Variants in SYNPR observed in about 807,000 individuals in gnomAD.
SYNPR encodes synaptoporin.
Under a neutral mutation model 32.9 loss-of-function variants are expected in SYNPR, and 23 were observed. The ratio of observed to expected loss-of-function variants is 0.70; its 90% CI spans 0.50 to 0.99. SYNPR has a LOEUF of 0.99. SYNPR is among the 50% of genes least tolerant of loss of function. The pLI, the probability that SYNPR is intolerant of heterozygous loss-of-function variation, is 0.00. For missense variants in SYNPR, 318 were observed against 349.3 expected (o/e 0.91, Z 0.71); for synonymous variants, 146 against 135.9 (o/e 1.07, Z -0.52).
chr3:63,326,761 T>A (rs1381906637), intron 2 of SYNPR, among the ~76,000 whole-genome samples: 1 of 152,150 alleles, frequency 6.6e-6, no homozygotes. Context: ...TGCTGGTAAC[T>A]TTGAAATCTT....
intron 2 of SYNPR, among the ~76,000 whole-genome samples, chr3:63,319,667 GA>G (rs201788490): frequency 4.7e-5 from 7 of 150,458 alleles, no homozygotes; most frequent in African/African-American, 1.7e-4. Context: ...TTCATGCATT[GA>G]AAAAAAAATT....
intron 2 of SYNPR, among the ~76,000 whole-genome samples, chr3:63,464,888 G>A (rs1348144091): frequency 1.3e-5 from 2 of 152,080 alleles, no homozygotes; most frequent in Non-Finnish European, 2.9e-5. Context: ...TTTTAAAAAG[G>A]TGACTCTGTC....
At chr3:63,313,220 T>G (rs1377268620) in intron 2 of SYNPR, among the ~76,000 whole-genome samples, 2 of 151,934 alleles carry the variant, frequency 1.3e-5, no homozygotes, top group Non-Finnish European at 2.9e-5. Context: ...CTGATTTTTT[T>G]TATTATTGTA....
At chr3:63,514,818 T>C (rs565346168) in intron 3 of SYNPR, among the ~76,000 whole-genome samples, 1 of 152,242 alleles carries the variant, frequency 6.6e-6, no homozygotes, top group South Asian at 2.1e-4. Context: ...GCTCTTTTGA[T>C]AGCCTTTGAG....
intron 2 of SYNPR, among the ~76,000 whole-genome samples, chr3:63,412,708 T>C (rs540793912): frequency 3.9e-5 from 6 of 152,086 alleles, no homozygotes; most frequent in Middle Eastern, 3.4e-3. Context: ...AATATTAAAT[T>C]TGGATGAAGG....
chr3:63,544,450 A>C (rs1040229615), intron 3 of SYNPR, among the ~76,000 whole-genome samples: 14 of 152,068 alleles, frequency 9.2e-5, no homozygotes, highest in Admixed American at 7.2e-4. Context: ...GGTTTAAAGG[A>C]GATTGTATTT....
intron 2 of SYNPR, among the ~76,000 whole-genome samples, chr3:63,368,033 T>G (rs1447246022): frequency 6.6e-6 from 1 of 152,188 alleles, no homozygotes; most frequent in Non-Finnish European, 1.5e-5. Flanking sequence ...TAAAAACTGA[T>G]GTATTGAGAA....
the SYNPR span, among the ~76,000 whole-genome samples, chr3:63,210,495 T>C: frequency 6.6e-6 from 1 of 152,260 alleles, no homozygotes; most frequent in Admixed American, 6.5e-5. Flanking sequence ...TAAATAATGT[T>C]TGCTGCAAGC....
intron 2 of SYNPR, among the ~76,000 whole-genome samples, chr3:63,467,790 T>C (rs1700711992): frequency 6.6e-6 from 1 of 152,242 alleles, no homozygotes; most frequent in African/African-American, 2.4e-5. Flanking sequence ...TAGTTTCGTT[T>C]CTTCTCCTTT....
At chr3:63,348,459 A>T (rs2087464782) in intron 2 of SYNPR, among the ~76,000 whole-genome samples, 2 of 151,618 alleles carry the variant, frequency 1.3e-5, no homozygotes, top group Admixed American at 1.3e-4. Context: ...GTTTGCAAAT[A>T]TTTTCTCCCA....
chr3:63,392,564 CT>C (rs2088152509), intron 2 of SYNPR, among the ~76,000 whole-genome samples: 5 of 152,254 alleles, frequency 3.3e-5, no homozygotes, highest in Admixed American at 6.5e-5. Context: ...GGGGAAGGTA[CT>C]TTGAAAACTG....
chr3:63,383,676 G>T (rs1207508923), intron 2 of SYNPR, among the ~76,000 whole-genome samples: 3 of 152,110 alleles, frequency 2.0e-5, no homozygotes, highest in Non-Finnish European at 4.4e-5. Flanking sequence ...AAGAGGCCAG[G>T]AGCTACACTA....
At chr3:63,211,134 T>C in the SYNPR span, among the ~76,000 whole-genome samples, 1 of 152,164 alleles carries the variant, frequency 6.6e-6, no homozygotes, top group Admixed American at 6.5e-5. Flanking sequence ...AGTGGCGCGA[T>C]CTTGGCTCAC....
intron 2 of SYNPR, among the ~76,000 whole-genome samples, chr3:63,477,166 T>C (rs1286687352): frequency 6.6e-6 from 1 of 151,926 alleles, no homozygotes; most frequent in Non-Finnish European, 1.5e-5. Flanking sequence ...ATTTCTGAAG[T>C]CCCCTCCCAC....
At chr3:63,290,977 T>A (rs1196461833) in intron 2 of SYNPR, among the ~76,000 whole-genome samples, 1 of 152,170 alleles carries the variant, frequency 6.6e-6, no homozygotes, top group African/African-American at 2.4e-5. Flanking sequence ...AAGAGTTAGA[T>A]TGGCATGGAG....
chr3:63,538,981 G>T (rs1702255593), intron 3 of SYNPR, among the ~76,000 whole-genome samples: 1 of 152,020 alleles, frequency 6.6e-6, no homozygotes, highest in African/African-American at 2.4e-5. Flanking sequence ...ACAAACAGGA[G>T]CCTAGCTAAC....
chr3:63,529,713 G>A (rs963264020), intron 3 of SYNPR, among the ~76,000 whole-genome samples: 1 of 152,180 alleles, frequency 6.6e-6, no homozygotes. Context: ...AAAGAATTAA[G>A]TAAAGATTTA....
chr3:63,338,097 CGT>C (rs2106996232), intron 2 of SYNPR, among the ~76,000 whole-genome samples: 1 of 152,128 alleles, frequency 6.6e-6, no homozygotes, highest in African/African-American at 2.4e-5. Context: ...TAGGAGAAAC[CGT>C]GTGTTTGGGA....
intron 2 of SYNPR, among the ~76,000 whole-genome samples, chr3:63,446,679 G>A (rs55905971): frequency 0.26 from 39,502 of 152,032 alleles, 6,090 homozygotes; most frequent in Non-Finnish European, 0.34. Flanking sequence ...AATGTTGCTA[G>A]AAGATAGAAC....
Sources: allele counts gnomAD v4.1 joint callset (sites outside exome capture counted in the v4.1 genomes callset), GRCh38; gene constraint gnomAD v4.1.1; transcripts MANE v1.5; gene names NCBI Gene and HGNC (gene_info 2026-07-23, HGNC 2026-07-21).